The following CRIP2 variants were observed in gnomAD, a reference collection of about 807,000 sequenced individuals.
The protein encoded by CRIP2 is cysteine rich protein 2, also known as cysteine-rich protein 2.
CRIP2 carries 31 observed loss-of-function variants against 31.3 expected under a neutral mutation model. That is an observed-to-expected ratio of 0.99 (90% CI 0.74 to 1.34). The LOEUF is 1.34. Among genes scored for constraint, CRIP2 ranks in the 40% most tolerant of loss-of-function variants. The pLI is 0.00. For synonymous variants in CRIP2, 177 were observed against 127.2 expected (o/e 1.39, Z -2.63); for missense variants, 389 against 301.6 (o/e 1.29, Z -2.15).
In CRIP2 at chr14:105,478,452, T is replaced by A; in HGVS notation, c.141T>A (p.His47Gln). ...KTLTPGGHAE[H>Q]DGKPFCHKPC... ...CTGACCCGCGCCCCTCTGCGCAGCA[T>A]GACGGGAAGCCGTTCTGCCACAAGC... is the stretch of plus-strand genomic sequence containing the variant. Residue 47 changes from histidine to glutamine, a missense_variant and splice_region_variant, in exon 3 of 8, where the codon CAT (histidine) becomes CAA (glutamine). Transcript: ENST00000329146. The surrounding 1 kb of genome is among the most constrained non-coding windows in gnomAD (Gnocchi z 4.9). 1.2e-6 allele frequency: 2 copies of A among 1,604,808 alleles called. No individual in the cohort carries two copies. Among genetic ancestry groups the A allele is most frequent in the Non-Finnish European group, 1.7e-6 (2 of 1,178,424 alleles).
chr14:105,475,716 C>A (rs1458715845), intron 1 of CRIP2: 12 of 653,760 alleles, frequency 1.8e-5, no homozygotes, highest in African/African-American at 1.4e-4. Flanking sequence ...CGCGCTCCCC[C>A]CGTCTGGGCT....
chr14:105,478,347 G>A lies in CRIP2; in HGVS notation c.125G>A (p.Gly42Glu). Residue 42 changes from glycine to glutamate, a missense_variant, in exon 2 of 8, where the codon GGG (glycine) becomes GAG (glutamate). Physicochemically the swap from Gly to Glu is moderately conservative, Grantham distance 98. Coordinates refer to ENST00000329146, the MANE Select transcript of CRIP2 (RefSeq NM_001312.4). This position sits in a 1 kb window ranked among gnomAD's most constrained non-coding sequence, Gnocchi z 4.9. ...CERCSKTLTP[G>E]GHAEHDGKPF... is the part of the protein sequence containing the mutation. Reference sequence around the variant, plus strand: ...CGCTGCAGCAAGACGCTGACGCCCGGGGGCCACGCCGAGGTGAGCCCCACT... The same window carrying A: ...CGCTGCAGCAAGACGCTGACGCCCGAGGGCCACGCCGAGGTGAGCCCCACT... 2.6e-6 allele frequency: 4 copies of A among 1,562,910 alleles called. No individual in the cohort carries two copies. The highest frequency in any genetic ancestry group is 2.6e-6 in the Non-Finnish European group (3 of 1,157,888).
rs782023207 is a variant in CRIP2 at position 105,478,936 on chromosome 14, G to A, written c.338-43G>A. Reference sequence around the variant, plus strand: ...GCGCGGGCTGGGGCTGGGGGTTGTGGGCACCCCCGGCCCCGCCCCGCCCTG... The same window carrying A: ...GCGCGGGCTGGGGCTGGGGGTTGTGAGCACCCCCGGCCCCGCCCCGCCCTG... On this transcript the variant is annotated intron_variant, in intron 4 of 7. Transcript: ENST00000329146. This position sits in a 1 kb window ranked among gnomAD's most constrained non-coding sequence, Gnocchi z 4.9. 1.7e-5 allele frequency: 26 copies of A among 1,529,486 alleles called. No homozygotes were observed. Among genetic ancestry groups the A allele is most frequent in the Admixed American group, 7.9e-5 (4 of 50,450 alleles). The allele number at this position is 1,529,486 out of a possible 1,614,324, so 94.7% of individuals were successfully genotyped here.
intron 1 of CRIP2, chr14:105,475,278 G>T: frequency 4.8e-6 from 1 of 208,194 alleles, no homozygotes; most frequent in South Asian, 1.6e-4. Context: ...GTACGCCCCG[G>T]GTGCGTCCCG....
intron 1 of CRIP2, 97 bp downstream of exon 1, chr14:105,475,002 C>T (rs1349483182): frequency 4.7e-6 from 6 of 1,266,792 alleles, no homozygotes; most frequent in African/African-American, 1.6e-5. Context: ...GGGGTGCGCC[C>T]GGCCCCGGCC....
rs782349570 is a variant in CRIP2, at chr14:105,479,505, C to T, written c.559+12C>T. On this transcript the variant is annotated intron_variant, in intron 7 of 7. Transcript: ENST00000329146. ...CTTCGGACCCAAGGGTGAGTGTAGC[C>T]AGGGTGGTCCACGATGTCTTCCCTG... 9 of 1,612,770 alleles carry T rather than the reference C, an allele frequency of 5.6e-6. No homozygotes were observed. Among genetic ancestry groups the T allele is most frequent in the South Asian group, 1.1e-5 (1 of 91,084 alleles).
Position 105,478,351 on chromosome 14 carries a change from C to T in CRIP2, c.129C>T (p.Gly43=), listed in dbSNP as rs1555436364. 1.9e-6 allele frequency: 3 copies of T among 1,560,912 alleles called. No individual in the cohort carries two copies. The highest frequency in any genetic ancestry group is 1.7e-6 in the Non-Finnish European group (2 of 1,156,948). The change falls in exon 2 of 8, where the codon GGC becomes GGT. Residue 43 remains glycine (G), a synonymous_variant. Transcript: ENST00000329146. This position sits in a 1 kb window ranked among gnomAD's most constrained non-coding sequence, Gnocchi z 4.9. ...GCAGCAAGACGCTGACGCCCGGGGG[C>T]CACGCCGAGGTGAGCCCCACTGCGC... is the stretch of plus-strand genomic sequence containing the variant. The part of the protein sequence containing the change: ...ERCSKTLTPG[G]HAEHDGKPFC...
intron 1 of CRIP2, chr14:105,476,425 C>T (rs2083933711): frequency 2.0e-6 from 2 of 985,450 alleles, no homozygotes; most frequent in Admixed American, 1.2e-4. Context: ...CTGAGTAGAA[C>T]CCAGGCTGGG....
At position 105,479,012 on chromosome 14, in the gene CRIP2, A is replaced by G. The variant is rs1285416995; in HGVS notation, c.371A>G (p.Asn124Ser). Residue 124 changes from asparagine (N) to serine (S), a missense_variant, in exon 5 of 8, where the codon AAC (asparagine) becomes AGC (serine). Coordinates refer to ENST00000329146, the MANE Select transcript of CRIP2 (RefSeq NM_001312.4). ...GTCACCACTTTCACCGGGGAGCCCA[A>G]CACGTGCCCGCGCTGCAGCAAGAAG... ...SSVTTFTGEP[N>S]TCPRCSKKVY... The G allele has an allele frequency of 1.3e-6, 2 of 1,583,764 alleles. No homozygotes were observed. The highest frequency in any genetic ancestry group is 1.8e-5 in the Admixed American group (1 of 57,126).
At chr14:105,479,093 C>T in intron 5 of CRIP2, 32 bp from the exon 6 acceptor site, 1 of 1,602,278 alleles carries the variant, frequency 6.2e-7, no homozygotes, top group Non-Finnish European at 8.5e-7. Flanking sequence ...GCCCCCGCCC[C>T]GGGGCTCGGC....
At chr14:105,473,658 GA>G, upstream of CRIP2, 1 of 1,119,246 alleles carries the variant, frequency 8.9e-7, no homozygotes, top group Non-Finnish European at 1.2e-6. Flanking sequence ...AAGGCTCAGA[GA>G]AGGGCCCATG....
intron 1 of CRIP2, among the ~76,000 whole-genome samples, 172 bp downstream of exon 1, chr14:105,475,077 G>C (rs587760379): frequency 3.3e-5 from 5 of 152,310 alleles, no homozygotes; most frequent in Admixed American, 2.0e-4. Context: ...AAAGCCAAAG[G>C]GTGGGGCTGC....
chr14:105,476,186 C>G, intron 1 of CRIP2: 1 of 985,480 alleles, frequency 1.0e-6, no homozygotes, highest in Non-Finnish European at 1.2e-6. Flanking sequence ...TCCAACTGCC[C>G]ATGACTTTAC....
Position 105,479,706 on chromosome 14 carries a change from GC to G in CRIP2, c.*59del. ...CACCTGCGCCCCAGACCCTGCAGGG[GC>G]CCCCCTGCTTGGCTCTGCTGGGAGA... On this transcript the variant is annotated 3_prime_UTR_variant, in exon 8 of 8. Transcript: ENST00000329146. 2 of 1,567,760 alleles carry G rather than the reference GC, an allele frequency of 1.3e-6. No homozygotes were observed. Among genetic ancestry groups the G allele is most frequent in the Admixed American group, 1.8e-5 (1 of 55,402 alleles).
rs2084053099 is a variant in CRIP2, at chr14:105,479,824, C to T, written c.*171C>T. On this transcript the variant is annotated 3_prime_UTR_variant, in exon 8 of 8. Coordinates refer to ENST00000329146, the MANE Select transcript of CRIP2 (RefSeq NM_001312.4). ...GAGCACCATGCCCATCCCCGAGTCTCTGGTGTGTCTGCCCCCTCTGGCATC... is the reference window on the plus strand; with the variant it reads ...GAGCACCATGCCCATCCCCGAGTCTTTGGTGTGTCTGCCCCCTCTGGCATC... The T allele has an allele frequency of 4.4e-6, 3 of 682,130 alleles. No homozygotes were observed. The highest frequency in any genetic ancestry group is 5.0e-6 in the Non-Finnish European group (2 of 398,360). The allele number at this position is 682,130 out of a possible 1,614,324, so 42.3% of individuals were successfully genotyped here.
chr14:105,472,977 G>T (rs1339686711), upstream of CRIP2: 10 of 577,022 alleles, frequency 1.7e-5, no homozygotes, highest in Non-Finnish European at 2.8e-5. Context: ...GGGACCTTGG[G>T]GCAGGTGGTC....
chr14:105,476,838 G>C, intron 1 of CRIP2: 1 of 908,124 alleles, frequency 1.1e-6, no homozygotes, highest in Non-Finnish European at 1.3e-6. Context: ...GGCTGGCCCT[G>C]GCCATGCCCA....
At chr14:105,473,841 C>T (rs1210963456), upstream of CRIP2, among the ~76,000 whole-genome samples, 1 of 152,120 alleles carries the variant, frequency 6.6e-6, no homozygotes, top group African/African-American at 2.4e-5. Flanking sequence ...CCTCAATCTC[C>T]CGCCTGACCC....
At position 105,479,438 on chromosome 14, in the gene CRIP2, C is replaced by G. The variant is rs782519666; in HGVS notation, c.504C>G (p.His168Gln). 1 of 1,612,806 alleles carries G rather than the reference C, an allele frequency of 6.2e-7. No individual in the cohort carries two copies. The highest frequency in any genetic ancestry group is 8.5e-7 in the Non-Finnish European group (1 of 1,179,968). ...TCAGCACCCACCTTCTGCCCCAGCA[C>G]GACGGCCAGCCCTACTGCCACAAGC... The part of the protein sequence containing the change: ...KTLTPGGHAE[H>Q]DGQPYCHKPC... The change falls in exon 7 of 8, where the codon CAC becomes CAG. Residue 168 changes from histidine (H) to glutamine (Q), a missense_variant and splice_region_variant. Coordinates refer to ENST00000329146, the MANE Select transcript of CRIP2 (RefSeq NM_001312.4).
Sources: gnomAD v4.1 joint callset for allele counts (sites outside exome capture counted in the v4.1 genomes callset) on GRCh38, gnomAD v4.1.1 for gene constraint, Gnocchi (gnomAD v3.1) non-coding constraint, MANE v1.5 for transcripts, NCBI Gene and HGNC (gene_info 2026-07-23, HGNC 2026-07-21) for gene names.